Variants in CLINT1 observed in about 807,000 individuals in gnomAD.
CLINT1 encodes clathrin interacting protein localized in the trans-Golgi region.
A neutral mutation model predicts 70.4 loss-of-function variants in CLINT1; 15 were observed. That is an observed-to-expected ratio of 0.21 (90% confidence interval 0.14 to 0.33). The LOEUF (loss-of-function observed/expected upper bound fraction) is 0.33. Among genes scored for constraint, CLINT1 ranks in the 10% least tolerant of loss-of-function variants. CLINT1 has a pLI of 1.00. For synonymous variants in CLINT1, 227 were observed against 254.7 expected (o/e 0.89, Z 1.04); for missense variants, 615 against 778.1 (o/e 0.79, Z 2.49).
chr5:157,845,252 G>C (rs1376811441), intron 1 of CLINT1, among the ~76,000 whole-genome samples: 1 of 152,082 alleles, frequency 6.6e-6, no homozygotes, highest in African/African-American at 2.4e-5. Flanking sequence ...GGGAGGCTGA[G>C]GCAGGAGAAT....
chr5:157,816,901 A>C (rs1335002726), intron 2 of CLINT1, 71 bp from the exon 3 acceptor site: 10 of 1,120,890 alleles, frequency 8.9e-6, no homozygotes, highest in Non-Finnish European at 1.3e-5. Context: ...ACTTGTTCTA[A>C]TTTGGTGTTT....
At chr5:157,840,579 T>C (rs1031314237) in intron 1 of CLINT1, among the ~76,000 whole-genome samples, 1 of 148,826 alleles carries the variant, frequency 6.7e-6, no homozygotes, top group Non-Finnish European at 1.5e-5. Context: ...AGTGTGTGTG[T>C]GTATGTGTGT....
intron 1 of CLINT1, 56 bp downstream of exon 1, chr5:157,858,874 T>G (rs1581559572): frequency 4.2e-6 from 4 of 957,424 alleles, no homozygotes; most frequent in East Asian, 3.0e-5. Context: ...CAGCTCCTTC[T>G]CCCCCTCCCC....
Position 157,796,561 on chromosome 5 carries a change from G to A in CLINT1, c.1013-1589C>T, listed in dbSNP as rs138807140. 2.6e-5 allele frequency among the ~76,000 whole-genome samples: 4 copies of A among 152,246 alleles called. No homozygotes were observed. The East Asian group carries it at 5.8e-4, about 22-fold the overall frequency. The stretch of plus-strand genomic sequence containing the variant: ...AGGTTACATCACAGCTGCTTAGGCC[G>A]CAGTGCTTAGAAACTAGCCAGGTGG... On this transcript the variant is annotated intron_variant, in intron 8 of 11. Coordinates refer to ENST00000411809, the MANE Select transcript of CLINT1 (RefSeq NM_014666.4).
At chr5:157,830,757 C>CCT (rs373819711) in intron 1 of CLINT1, among the ~76,000 whole-genome samples, 2,457 of 87,296 alleles carry the variant, frequency 0.028, 43 homozygotes, top group Non-Finnish European at 0.034. Flanking sequence ...CCTCTCTCTC[C>CCT]CTCTCTCTCT....
At chr5:157,840,286 A>G (rs1753128721) in intron 1 of CLINT1, among the ~76,000 whole-genome samples, 1 of 151,478 alleles carries the variant, frequency 6.6e-6, no homozygotes, top group Non-Finnish European at 1.5e-5. Flanking sequence ...TGTAGTTTCC[A>G]AAATGCCTGT....
chr5:157,824,483 A>G (rs943522110), intron 1 of CLINT1, among the ~76,000 whole-genome samples: 1 of 152,130 alleles, frequency 6.6e-6, no homozygotes, highest in Non-Finnish European at 1.5e-5. Context: ...TGGGATATTC[A>G]CCACCCATCA....
At chr5:157,808,698 C>T (rs1028608392) in intron 6 of CLINT1, among the ~76,000 whole-genome samples, 2 of 152,030 alleles carry the variant, frequency 1.3e-5, no homozygotes, top group Non-Finnish European at 2.9e-5. Context: ...CCATGTAAAA[C>T]TAAATACCAT....
At chr5:157,798,930 A>G (rs1581481601) in intron 8 of CLINT1, among the ~76,000 whole-genome samples, 1 of 152,126 alleles carries the variant, frequency 6.6e-6, no homozygotes, top group East Asian at 1.9e-4. Context: ...ACCAACTATC[A>G]TAAGAAAATG....
chr5:157,814,276 A>G lies in CLINT1; in HGVS notation c.261T>C (p.Ala87=). Residue 87 remains alanine (A), a synonymous_variant, in exon 4 of 12, where the codon GCT becomes GCC. Transcript: ENST00000411809. ...RRVYKSLLLL[A]YLIRNGSERV... is the part of the protein sequence containing the mutation. ...GCTCTGATCCATTCCTTATGAGGTAAGCTAGGAGCAGCAACGACTGCAAAA... is the reference window on the plus strand; with the variant it reads ...GCTCTGATCCATTCCTTATGAGGTAGGCTAGGAGCAGCAACGACTGCAAAA... 1 of 1,609,044 alleles carries G rather than the reference A, an allele frequency of 6.2e-7. No individual in the cohort carries two copies. Among genetic ancestry groups the G allele is most frequent in the Non-Finnish European group, 8.5e-7 (1 of 1,177,484 alleles).
intron 7 of CLINT1, among the ~76,000 whole-genome samples, 191 bp from the exon 8 acceptor site, chr5:157,803,910 C>A (rs1762307171): frequency 6.6e-6 from 1 of 152,108 alleles, no homozygotes; most frequent in Admixed American, 6.5e-5. Flanking sequence ...TACCTCCATT[C>A]CCAGCAGTGT....
chr5:157,837,234 T>C (rs1001356453), intron 1 of CLINT1, among the ~76,000 whole-genome samples: 2 of 152,142 alleles, frequency 1.3e-5, no homozygotes, highest in East Asian at 3.9e-4. Context: ...AGACCCTGCC[T>C]CTACAAAGTA....
chr5:157,802,050 A>G (rs1362728450), intron 8 of CLINT1, among the ~76,000 whole-genome samples: 2 of 152,052 alleles, frequency 1.3e-5, no homozygotes, highest in African/African-American at 4.8e-5. Context: ...GCCCATCACC[A>G]CGCCAAACTA....
chr5:157,846,323 A>G (rs542855502), intron 1 of CLINT1, among the ~76,000 whole-genome samples: 1 of 152,354 alleles, frequency 6.6e-6, no homozygotes, highest in East Asian at 1.9e-4. Context: ...AGTGAAACAG[A>G]GCTTCACTGC....
chr5:157,813,287 T>G, intron 4 of CLINT1, 60 bp from the exon 5 acceptor site: 1 of 1,388,090 alleles, frequency 7.2e-7, no homozygotes, highest in Non-Finnish European at 9.5e-7. Flanking sequence ...TATCAAGCTC[T>G]TTAAGATTAA....
chr5:157,806,072 G>C lies in CLINT1; in HGVS notation c.736C>G (p.Pro246Ala). The C allele has an allele frequency of 1.2e-6, 2 of 1,613,930 alleles. No homozygotes were observed. Among genetic ancestry groups the C allele is most frequent in the South Asian group, 1.1e-5 (1 of 91,082 alleles). The change falls in exon 7 of 12, where the codon CCC becomes GCC. Residue 246 changes from proline (P) to alanine (A), a missense_variant. By Grantham distance (27) the Pro-to-Ala change is conservative (BLOSUM62 -1). Transcript: ENST00000411809. ...TCTTCATCTTTGAATTCACCTTTGGGAGATCTGCCTCTTCTCGCTTTCTTT... is the reference window on the plus strand; with the variant it reads ...TCTTCATCTTTGAATTCACCTTTGGCAGATCTGCCTCTTCTCGCTTTCTTT... ...EEKKARRGRSPKGEFKDEEET... is the reference protein window; with the variant it reads ...EEKKARRGRSAKGEFKDEEET...
At chr5:157,816,497 G>C (rs1762727285) in intron 3 of CLINT1, among the ~76,000 whole-genome samples, 1 of 152,012 alleles carries the variant, frequency 6.6e-6, no homozygotes, top group Non-Finnish European at 1.5e-5. Context: ...ATTTTAGTAG[G>C]AAAAATTTTA....
chr5:157,823,668 A>G (rs1762943643), intron 1 of CLINT1: 1 of 489,720 alleles, frequency 2.0e-6, no homozygotes, highest in South Asian at 8.8e-5. Flanking sequence ...AAGGTTTCAG[A>G]AAAGATACTT....
intron 8 of CLINT1, among the ~76,000 whole-genome samples, chr5:157,802,856 AAT>A (rs1160137167): frequency 6.6e-6 from 1 of 152,112 alleles, no homozygotes; most frequent in Admixed American, 6.5e-5. Flanking sequence ...GCCCTCTTTA[AAT>A]ATGTTTGGTA....
Sources: allele counts gnomAD v4.1 joint callset (sites outside exome capture counted in the v4.1 genomes callset), GRCh38; gene constraint gnomAD v4.1.1; transcripts MANE v1.5; gene names NCBI Gene and HGNC (gene_info 2026-07-23, HGNC 2026-07-21).